PLEKHA7: variants seen among roughly 807,000 people sequenced by gnomAD.
PLEKHA7 encodes the protein pleckstrin homology domain-containing family A member 7.
PLEKHA7 carries 104 observed loss-of-function variants against 170.0 expected under a neutral mutation model. The ratio of observed to expected loss-of-function variants is 0.61; its 90% CI spans 0.52 to 0.72. The LOEUF is 0.72. Ranked by LOEUF, PLEKHA7 falls within the 30% of genes least tolerant of loss-of-function variation. The probability of loss-of-function intolerance (pLI) is 0.00; values close to 1 mark genes in which losing one functional copy is unlikely to be tolerated. For synonymous variants in PLEKHA7, 648 were observed against 660.8 expected (o/e 0.98, Z 0.30); for missense variants, 1,615 against 1,671.7 (o/e 0.97, Z 0.59).
chr11:16,944,837 T>G lies in PLEKHA7; in HGVS notation c.221+69152A>C, dbSNP rs7127327. On this transcript the variant is annotated intron_variant, in intron 3 of 26. Coordinates refer to ENST00000531066, the MANE Select transcript of PLEKHA7 (RefSeq NM_001329630.2). ...AATATTTATTAAGCATTTACTATGT[T>G]TCACAAATATACATTATCTCATTAA... is the stretch of plus-strand genomic sequence containing the variant. Among the ~76,000 whole-genome samples the G allele has an allele frequency of 8.2e-3, 1,254 of 152,340 alleles. 19 individuals carry two copies. Among genetic ancestry groups the G allele is most frequent in the African/African-American group, 0.029 (1,186 of 41,560 alleles).
chr11:16,823,966 G>C (rs1272376349), intron 10 of PLEKHA7, among the ~76,000 whole-genome samples: 2 of 152,132 alleles, frequency 1.3e-5, no homozygotes, highest in African/African-American at 2.4e-5. Flanking sequence ...AACATAGATG[G>C]AACTGGAGGA....
intron 3 of PLEKHA7, among the ~76,000 whole-genome samples, chr11:16,995,090 T>C (rs980262878): frequency 6.6e-6 from 1 of 152,228 alleles, no homozygotes; most frequent in African/African-American, 2.4e-5. Flanking sequence ...GAGTACTTCC[T>C]ATTAACTCAT....
At chr11:16,998,818 T>A (rs1471953028) in intron 3 of PLEKHA7, among the ~76,000 whole-genome samples, 2 of 150,742 alleles carry the variant, frequency 1.3e-5, no homozygotes, top group African/African-American at 4.9e-5. Context: ...CATATTTTTT[T>A]AAATCCCCAG....
In PLEKHA7 at chr11:16,923,426, G is replaced by T. The variant is rs544558237; in HGVS notation, c.222-52244C>A. ...TACACACCGCAAACCCAGGTGGCAG[G>T]GCAGGTGGCACTGATTCCCCAACAA... On this transcript the variant is annotated intron_variant, in intron 3 of 26. Coordinates refer to ENST00000531066, the MANE Select transcript of PLEKHA7 (RefSeq NM_001329630.2). Among the ~76,000 whole-genome samples the T allele has an allele frequency of 2.6e-5, 4 of 152,240 alleles. No homozygotes were observed. In the South Asian group the frequency reaches 8.3e-4, roughly 32 times the overall value.
chr11:16,916,567 C>G (rs578215221), intron 3 of PLEKHA7, among the ~76,000 whole-genome samples: 44 of 152,290 alleles, frequency 2.9e-4, no homozygotes, highest in African/African-American at 1.0e-3. Flanking sequence ...AAAAAAGCCA[C>G]GGCAGTGCCT....
chr11:16,879,890 G>C (rs1483887337), intron 3 of PLEKHA7, among the ~76,000 whole-genome samples: 1 of 152,226 alleles, frequency 6.6e-6, no homozygotes, highest in Non-Finnish European at 1.5e-5. Flanking sequence ...TTCTGACTGA[G>C]TCACCAACAC....
chr11:16,783,734 C>A lies in PLEKHA7; in HGVS notation c.3616G>T (p.Ala1206Ser). 6.7e-7 allele frequency: 1 copy of A among 1,495,178 alleles called. No individual in the cohort carries two copies. Among genetic ancestry groups the A allele is most frequent in the Non-Finnish European group, 8.9e-7 (1 of 1,127,140 alleles). The allele number at this position is 1,495,178 out of a possible 1,614,324, so 92.6% of individuals were successfully genotyped here. A position where few individuals can be genotyped will look rare whatever the true frequency, so the allele number is the denominator to read the frequency against. ...GCGAGGATGTTGCGGATCTTCTCGG[C>A]TTTGCGGTACCGCGCCTGCAGCTCC... The part of the protein sequence containing the change: ...LEELQARYRK[A>S]EKIRNILARS... The change falls in exon 25 of 27, where the codon GCC becomes TCC. Residue 1206 changes from alanine to serine, a missense_variant. Ala to Ser is a moderately conservative substitution (Grantham distance 99). Transcript: ENST00000531066.
In PLEKHA7 at chr11:16,817,495, C is replaced by T. The variant is rs946875806; in HGVS notation, c.1344-173G>A. On this transcript the variant is annotated intron_variant, in intron 10 of 26. Coordinates refer to ENST00000531066, the MANE Select transcript of PLEKHA7 (RefSeq NM_001329630.2). The surrounding 1 kb of genome is among the most constrained non-coding windows in gnomAD (Gnocchi z 4.4). ...TTCAGTCACTTCCCCTTTTGGCAGACGACTCCAAAACCATTTTTCTCTGTC... is the reference window on the plus strand; with the variant it reads ...TTCAGTCACTTCCCCTTTTGGCAGATGACTCCAAAACCATTTTTCTCTGTC... 3.4e-4 allele frequency: 211 copies of T among 613,244 alleles called. 1 individual carries two copies. Among genetic ancestry groups the T allele is most frequent in the Middle Eastern group, 2.8e-4 (1 of 3,542 alleles). 38.0% of individuals were successfully genotyped at this position (613,244 alleles called of 1,614,324 possible). A position where few individuals can be genotyped will look rare whatever the true frequency, so the allele number is the denominator to read the frequency against.
chr11:16,856,249 C>G (rs543142381), intron 4 of PLEKHA7, among the ~76,000 whole-genome samples: 4 of 152,350 alleles, frequency 2.6e-5, no homozygotes, highest in East Asian at 3.9e-4. Context: ...TGGGCATGCA[C>G]AGATGTGCCA....
chr11:16,794,867 C>T lies in PLEKHA7; in HGVS notation c.2518+43G>A, dbSNP rs377650307. ...AGCCTTCCACCCTCCCACCACCCTGCCCCCAATCAGATCCCCCACATCCAG... is the reference window on the plus strand; with the variant it reads ...AGCCTTCCACCCTCCCACCACCCTGTCCCCAATCAGATCCCCCACATCCAG... On this transcript the variant is annotated intron_variant, in intron 18 of 26. Transcript: ENST00000531066. The T allele has an allele frequency of 1.9e-5, 26 of 1,399,622 alleles. No homozygotes were observed. In the African/African-American group the frequency reaches 3.4e-4, roughly 18 times the overall value. 86.7% of individuals were successfully genotyped at this position (1,399,622 alleles called of 1,614,324 possible).
At chr11:16,821,806 G>A (rs768244431) in intron 10 of PLEKHA7, among the ~76,000 whole-genome samples, 1 of 152,160 alleles carries the variant, frequency 6.6e-6, no homozygotes, top group Non-Finnish European at 1.5e-5. Context: ...CTCACTTAAA[G>A]ATTGACAGCA....
intron 3 of PLEKHA7, among the ~76,000 whole-genome samples, chr11:16,966,757 A>T (rs946198577): frequency 2.0e-5 from 3 of 151,806 alleles, no homozygotes; most frequent in African/African-American, 7.3e-5. Flanking sequence ...CTCAGATATC[A>T]GAGCAGAAAC....
At chr11:17,004,376 T>G (rs1565199272) in intron 3 of PLEKHA7, among the ~76,000 whole-genome samples, 2 of 138,900 alleles carry the variant, frequency 1.4e-5, no homozygotes, top group Non-Finnish European at 3.1e-5. Flanking sequence ...AGTATACACC[T>G]TTTTTTTCCT....
At chr11:16,834,327 A>C (rs1851346518) in intron 9 of PLEKHA7, among the ~76,000 whole-genome samples, 1 of 152,174 alleles carries the variant, frequency 6.6e-6, no homozygotes, top group African/African-American at 2.4e-5. Context: ...ATATTTATAG[A>C]ATAAAAGACT....
At chr11:16,883,568 T>C (rs1033313262) in intron 3 of PLEKHA7, among the ~76,000 whole-genome samples, 5 of 152,176 alleles carry the variant, frequency 3.3e-5, no homozygotes, top group Non-Finnish European at 7.3e-5. Flanking sequence ...TGCCCACCAG[T>C]CCCCAAGTCA....
At chr11:16,909,310 C>G (rs1858084080) in intron 3 of PLEKHA7, among the ~76,000 whole-genome samples, 1 of 152,194 alleles carries the variant, frequency 6.6e-6, no homozygotes, top group Admixed American at 6.5e-5. Flanking sequence ...TATGTTCACA[C>G]AGAAACAGGA....
intron 8 of PLEKHA7, among the ~76,000 whole-genome samples, chr11:16,848,948 G>A (rs1188104284): frequency 6.6e-6 from 1 of 152,088 alleles, no homozygotes; most frequent in Non-Finnish European, 1.5e-5. Context: ...ACCCTGAGCT[G>A]CCCCCAGAGC....
At chr11:16,795,102 C>A in intron 17 of PLEKHA7, 84 bp from the exon 18 acceptor site, 1 of 1,000,534 alleles carries the variant, frequency 1.0e-6, no homozygotes, top group Non-Finnish European at 1.6e-6. Flanking sequence ...TCAGACAGAG[C>A]CCCCCGCCCT....
intron 3 of PLEKHA7, among the ~76,000 whole-genome samples, chr11:16,871,520 GTAC>G (rs1046387271): frequency 6.6e-6 from 1 of 152,154 alleles, no homozygotes; most frequent in Non-Finnish European, 1.5e-5. Context: ...CTTTAAGACA[GTAC>G]GAGCTAAAAC....
Sources: allele counts gnomAD v4.1 joint callset (sites outside exome capture counted in the v4.1 genomes callset), GRCh38; gene constraint gnomAD v4.1.1; non-coding constraint Gnocchi (gnomAD v3.1); transcripts MANE v1.5; gene names NCBI Gene and HGNC (gene_info 2026-07-23, HGNC 2026-07-21).